Variants in PDE11A observed in about 807,000 individuals in gnomAD.
The protein encoded by PDE11A is dual 3',5'-cyclic-AMP and -GMP phosphodiesterase 11A.
Under a neutral mutation model 100.5 loss-of-function variants are expected in PDE11A, and 100 were observed. The observed-to-expected ratio is 1.00, with a 90% CI of 0.85 to 1.18. The LOEUF (loss-of-function observed/expected upper bound fraction) is 1.18. PDE11A is among the 50% of genes most tolerant of loss of function. The pLI is 0.00. For missense variants in PDE11A, 1,141 were observed against 1,152.6 expected (o/e 0.99, Z 0.15); for synonymous variants, 381 against 420.8 (o/e 0.91, Z 1.16).
chr2:177,884,032 A>G (rs2084388159), intron 4 of PDE11A, among the ~76,000 whole-genome samples: 1 of 152,236 alleles, frequency 6.6e-6, no homozygotes. Flanking sequence ...CCAGAGGACA[A>G]GAAAGCCCAA....
intron 3 of PDE11A, chr2:177,899,637 A>AACATAT (rs1553487182): frequency 4.9e-6 from 1 of 203,194 alleles, no homozygotes; most frequent in Non-Finnish European, 1.0e-5. Flanking sequence ...CAGATTCTTA[A>AACATAT]ATATATATAT....
chr2:177,754,043 C>T (rs2082057592), intron 10 of PDE11A, among the ~76,000 whole-genome samples: 1 of 151,776 alleles, frequency 6.6e-6, no homozygotes, highest in Non-Finnish European at 1.5e-5. Flanking sequence ...CAATGAAATG[C>T]CTTTTCCTGT....
intron 10 of PDE11A, among the ~76,000 whole-genome samples, chr2:177,746,765 T>C (rs1480520891): frequency 6.6e-6 from 1 of 152,050 alleles, no homozygotes; most frequent in Non-Finnish European, 1.5e-5. Context: ...CTTCTAACCA[T>C]ACAAGTAAGC....
chr2:177,682,806 G>A (rs769672293), intron 15 of PDE11A, among the ~76,000 whole-genome samples: 2 of 152,158 alleles, frequency 1.3e-5, no homozygotes, highest in Non-Finnish European at 2.9e-5. Context: ...AGCCTTTGAA[G>A]TCTCTGAGAA....
intron 6 of PDE11A, among the ~76,000 whole-genome samples, chr2:177,832,732 C>T (rs896181307): frequency 5.3e-5 from 8 of 152,054 alleles, no homozygotes; most frequent in Non-Finnish European, 5.9e-5. Flanking sequence ...ATATGACCTT[C>T]GAGAAACATT....
intron 5 of PDE11A, among the ~76,000 whole-genome samples, chr2:177,856,226 T>G (rs1466834589): frequency 6.6e-6 from 1 of 152,052 alleles, no homozygotes; most frequent in African/African-American, 2.4e-5. Context: ...AAGAATTAGT[T>G]CTGGCAAGTC....
chr2:177,631,568 TAC>T (rs1327715066), intron 19 of PDE11A, among the ~76,000 whole-genome samples: 410 of 37,160 alleles, frequency 0.011, 15 homozygotes, highest in African/African-American at 0.027. Context: ...TATATATATA[TAC>T]ATGTATATAT....
chr2:177,789,597 T>A (rs1404713417), intron 9 of PDE11A, among the ~76,000 whole-genome samples: 1 of 151,912 alleles, frequency 6.6e-6, no homozygotes, highest in Non-Finnish European at 1.5e-5. Context: ...GGAAGTCAAA[T>A]TGTCCCTGTT....
At chr2:177,680,019 G>A (rs73979518) in intron 16 of PDE11A, among the ~76,000 whole-genome samples, 5,720 of 152,224 alleles carry the variant, frequency 0.038, 350 homozygotes, top group African/African-American at 0.13. Context: ...AGAGGGTGGG[G>A]CAGGCAGTGG....
intron 10 of PDE11A, among the ~76,000 whole-genome samples, chr2:177,734,028 T>G (rs1391414831): frequency 6.6e-6 from 1 of 152,246 alleles, no homozygotes; most frequent in Non-Finnish European, 1.5e-5. Flanking sequence ...AATGGGCCTA[T>G]GCCAAGCGAG....
At chr2:177,944,318 C>T (rs2085378289) in intron 2 of PDE11A, among the ~76,000 whole-genome samples, 1 of 152,050 alleles carries the variant, frequency 6.6e-6, no homozygotes, top group African/African-American at 2.4e-5. Flanking sequence ...CCAAAATAAC[C>T]AAAAACCAAA....
intron 19 of PDE11A, among the ~76,000 whole-genome samples, chr2:177,637,046 A>C (rs1288225403): frequency 1.3e-5 from 2 of 152,198 alleles, no homozygotes; most frequent in Non-Finnish European, 2.9e-5. Flanking sequence ...CTTTTTCTGA[A>C]GACATTTAGG....
chr2:177,885,831 T>C (rs1194223181), intron 4 of PDE11A, among the ~76,000 whole-genome samples: 5 of 152,126 alleles, frequency 3.3e-5, no homozygotes, highest in African/African-American at 4.8e-5. Flanking sequence ...ACCAAGGAGC[T>C]AAGGAGGATA....
At chr2:177,909,230 AT>A (rs1232049822) in intron 2 of PDE11A, among the ~76,000 whole-genome samples, 1 of 152,204 alleles carries the variant, frequency 6.6e-6, no homozygotes, top group East Asian at 1.9e-4. Context: ...ATTACAAGGC[AT>A]TTAACATGGC....
chr2:177,838,190 G>A (rs2083435183), intron 6 of PDE11A, among the ~76,000 whole-genome samples: 2 of 152,076 alleles, frequency 1.3e-5, no homozygotes, highest in Admixed American at 6.5e-5. Context: ...CTCAAAATCT[G>A]TTTTTGTCTT....
rs1211242781 is a variant in PDE11A, at chr2:177,898,168, C to T, written c.1192G>A (p.Glu398Lys). 6.2e-7 allele frequency: 1 copy of T among 1,608,874 alleles called. No homozygotes were observed. Among genetic ancestry groups the T allele is most frequent in the South Asian group, 1.1e-5 (1 of 90,976 alleles). The change falls in exon 4 of 20, where the codon GAA (glutamate) becomes AAA (lysine). Residue 398 changes from glutamate (E) to lysine (K), a missense_variant. Coordinates refer to ENST00000286063, the MANE Select transcript of PDE11A (RefSeq NM_016953.4). The stretch of plus-strand genomic sequence containing the variant: ...ATTTTCTCCAGGTCAGTCTGTTCTT[C>T]AAAGAGGTCATTAACCACCTCTAGC... ...ALLEVVNDLF[E>K]EQTDLEKIVK...
intron 9 of PDE11A, among the ~76,000 whole-genome samples, chr2:177,797,852 G>T (rs1449375885): frequency 2.0e-5 from 3 of 152,136 alleles, no homozygotes; most frequent in Non-Finnish European, 4.4e-5. Flanking sequence ...GAAATACTAA[G>T]ATAAATTTTA....
At chr2:177,998,744 G>A in intron 2 of PDE11A, 1 of 859,986 alleles carries the variant, frequency 1.2e-6, no homozygotes, top group Non-Finnish European at 2.0e-6. Flanking sequence ...TGCCATAGTT[G>A]CCGTAAAGCT....
At chr2:177,682,219 C>T (rs1260778171) in intron 15 of PDE11A, among the ~76,000 whole-genome samples, 2 of 152,162 alleles carry the variant, frequency 1.3e-5, no homozygotes, top group Non-Finnish European at 1.5e-5. Flanking sequence ...TCTTTGAATC[C>T]ACCTATGACC....
Sources: gnomAD v4.1 joint callset for allele counts (sites outside exome capture counted in the v4.1 genomes callset) on GRCh38, gnomAD v4.1.1 for gene constraint, MANE v1.5 for transcripts, NCBI Gene and HGNC (gene_info 2026-07-23, HGNC 2026-07-21) for gene names.